Variants in ODAD1 observed in about 807,000 individuals in gnomAD.
ODAD1 encodes the protein outer dynein arm docking complex subunit 1.
ODAD1 carries 49 observed loss-of-function variants against 67.2 expected under a neutral mutation model. The observed-to-expected ratio is 0.73, with a 90% CI of 0.58 to 0.92. The LOEUF is 0.92. ODAD1 is among the 40% of genes least tolerant of loss of function. ODAD1 has a pLI of 0.00. For synonymous variants in ODAD1, 345 were observed against 393.7 expected, an observed-to-expected ratio of 0.88 and a Z score of 1.46; for missense variants, 897 against 953.7, an observed-to-expected ratio of 0.94 and a Z score of 0.78.
intron 5 of ODAD1, among the ~76,000 whole-genome samples, chr19:48,313,140 A>C (rs115456534): frequency 0.011 from 1,702 of 152,228 alleles, 27 homozygotes; most frequent in African/African-American, 0.032. Flanking sequence ...ATAAAAACTC[A>C]TATGTTGGCC....
intron 12 of ODAD1, 125 bp from the exon 13 acceptor site, chr19:48,298,465 G>T: frequency 1.1e-6 from 1 of 941,848 alleles, no homozygotes; most frequent in Non-Finnish European, 1.6e-6. Flanking sequence ...GACCAAAAGG[G>T]AGTCACCCGA....
intron 1 of ODAD1, 134 bp downstream of exon 1, chr19:48,321,544 C>T (rs1419788925): frequency 6.1e-6 from 2 of 329,392 alleles, no homozygotes; most frequent in Non-Finnish European, 1.1e-5. Flanking sequence ...TCGAGGGTCG[C>T]GTTTGGAAGG....
intron 5 of ODAD1, among the ~76,000 whole-genome samples, chr19:48,317,742 G>A (rs956020188): frequency 7.3e-5 from 11 of 150,538 alleles, no homozygotes; most frequent in African/African-American, 2.5e-4. Flanking sequence ...GCAGCGGCGC[G>A]ATCTTGGCTC....
At chr19:48,304,713 T>C (rs1051157810) in intron 8 of ODAD1, among the ~76,000 whole-genome samples, 1 of 152,062 alleles carries the variant, frequency 6.6e-6, no homozygotes, top group Non-Finnish European at 1.5e-5. Context: ...TGGCTCACGT[T>C]CTTTCAGCAG....
rs1198053382 is a variant in ODAD1 at position 48,304,105 on chromosome 19, T to C, written c.701A>G (p.Glu234Gly). The C allele has an allele frequency of 4.3e-6, 7 of 1,611,046 alleles. No homozygotes were observed. The highest frequency in any genetic ancestry group is 3.3e-5 in the Admixed American group (2 of 59,912). ...EAKAKMGLLR[E>G]RAEKEEAQSE... Reference sequence around the variant, plus strand: ...CTGGGCCTCCTCTTTCTCCGCGCGCTCCCGCAGCAAGCCCATCTTGGCCTT... The same window carrying C: ...CTGGGCCTCCTCTTTCTCCGCGCGCCCCCGCAGCAAGCCCATCTTGGCCTT... The change falls in exon 9 of 16, where the codon GAG (glutamate) becomes GGG (glycine). Residue 234 changes from glutamate to glycine, a missense_variant. Physicochemically the swap from Glu to Gly is moderately conservative, Grantham distance 98. Coordinates refer to ENST00000674294, the MANE Select transcript of ODAD1 (RefSeq NM_001364171.2).
chr19:48,303,193 G>C (rs1968516273), intron 10 of ODAD1, 98 bp from the exon 11 acceptor site: 1 of 913,144 alleles, frequency 1.1e-6, no homozygotes, highest in African/African-American at 1.6e-5. Context: ...GCCAAAGAAA[G>C]TGAAGATGAG....
Position 48,297,220 on chromosome 19 carries a change from G to A in ODAD1, c.1880C>T (p.Ser627Phe), listed in dbSNP as rs1968314530. 1.9e-6 allele frequency: 3 copies of A among 1,614,166 alleles called. No homozygotes were observed. In the African/African-American group the frequency reaches 4.0e-5, roughly 22 times the overall value. The change falls in exon 16 of 16, where the codon TCC (serine) becomes TTC (phenylalanine). Residue 627 changes from serine to phenylalanine, a missense_variant. Transcript: ENST00000674294. ...GTGGCCCCCACTCGAGGCACTGGTG[G>A]AGCCGAAGGTCACGTGGCCAGTGTT... ...DPNTGHVTFGSTSASSGGHVT... is the reference protein window; with the variant it reads ...DPNTGHVTFGFTSASSGGHVT...
chr19:48,314,802 G>A lies in ODAD1; in HGVS notation c.361-2686C>T, dbSNP rs145080898. Among the ~76,000 whole-genome samples, 46 of 152,024 alleles carry A rather than the reference G, an allele frequency of 3.0e-4. No individual in the cohort carries two copies. The East Asian group carries it at 8.7e-3, about 29-fold the overall frequency. ...CTAAAAATACAAAAATTAGCTGGGC[G>A]TAATGGCACGTGACTGTAATCCCAG... On this transcript the variant is annotated intron_variant, in intron 5 of 15. Transcript: ENST00000674294.
At chr19:48,318,841 G>A in intron 3 of ODAD1, 29 bp from the exon 4 acceptor site, 8 of 1,433,684 alleles carry the variant, frequency 5.6e-6, no homozygotes, top group Non-Finnish European at 7.7e-6. Flanking sequence ...AAGGGACTCA[G>A]CAGGGATCCT....
chr19:48,302,068 CTGGA>C (rs755763524), intron 12 of ODAD1, among the ~76,000 whole-genome samples: 8 of 145,852 alleles, frequency 5.5e-5, no homozygotes, highest in Non-Finnish European at 1.2e-4. Context: ...GGAATAGACC[CTGGA>C]TGGATGGATG....
rs1462198000 is a variant in ODAD1 at position 48,306,338 on chromosome 19, G to GA, written c.598-16dup. ...TGGTGGATCTCCTGTGGGGGGAGGA[G>GA]AAAAAAATCAGTGCCACTTCTTACA... On this transcript the variant is annotated splice_polypyrimidine_tract_variant and intron_variant, in intron 7 of 15. Transcript: ENST00000674294. 1.9e-6 allele frequency: 3 copies of GA among 1,549,854 alleles called. No homozygotes were observed. Among genetic ancestry groups the GA allele is most frequent in the Non-Finnish European group, 1.7e-6 (2 of 1,145,720 alleles).
chr19:48,302,654 G>T, intron 12 of ODAD1, 40 bp downstream of exon 12: 1 of 1,563,308 alleles, frequency 6.4e-7, no homozygotes. Flanking sequence ...CTTCCAAGTG[G>T]AGAAGCCAGG....
rs193263180 is a variant in ODAD1, at chr19:48,307,591, G to A, written c.598-1268C>T. Among the ~76,000 whole-genome samples, 82 of 152,174 alleles carry A rather than the reference G, an allele frequency of 5.4e-4. 1 individual carries two copies. The highest frequency in any genetic ancestry group is 1.7e-3 in the African/African-American group (71 of 41,506). On this transcript the variant is annotated intron_variant, in intron 7 of 15. Coordinates refer to ENST00000674294, the MANE Select transcript of ODAD1 (RefSeq NM_001364171.2). ...AGCACTGTGGGAGGCCGAGGTGGGC[G>A]GATCACGAGGTCAGGAGATCGAGAC... is the stretch of plus-strand genomic sequence containing the variant.
At chr19:48,316,370 ACTT>A (rs1488861950) in intron 5 of ODAD1, among the ~76,000 whole-genome samples, 1 of 149,460 alleles carries the variant, frequency 6.7e-6, no homozygotes, top group African/African-American at 2.5e-5. Flanking sequence ...ACAGAGCGAG[ACTT>A]CGTCAAAAAA....
At chr19:48,316,994 C>G (rs562468262) in intron 5 of ODAD1, among the ~76,000 whole-genome samples, 1 of 152,236 alleles carries the variant, frequency 6.6e-6, no homozygotes, top group South Asian at 2.1e-4. Context: ...CAGAGCGAGA[C>G]TTTGTCTTGA....
chr19:48,315,064 T>C (rs1437627059), intron 5 of ODAD1, among the ~76,000 whole-genome samples: 1 of 143,584 alleles, frequency 7.0e-6, no homozygotes, highest in Non-Finnish European at 1.5e-5. Context: ...AACAAAATTT[T>C]CTTTCTTTCT....
At chr19:48,309,722 C>T (rs925105501) in intron 7 of ODAD1, among the ~76,000 whole-genome samples, 1 of 152,158 alleles carries the variant, frequency 6.6e-6, no homozygotes, top group African/African-American at 2.4e-5. Flanking sequence ...TGTCAGGGGA[C>T]AAGATATTTA....
Position 48,318,482 on chromosome 19 carries a change from G to T in ODAD1, c.265C>A (p.Arg89=). The change falls in exon 5 of 16, where the codon CGG becomes AGG. Residue 89 remains arginine (R), a synonymous_variant. Transcript: ENST00000674294. ...AGCAGGCGGTCCATGTTCTCCAGCC[G>T]CTGACTGTCCCGAAGCCGCTTGACC... ...NQVKRLRDSQ[R]LENMDRLLKG... 2 of 1,551,572 alleles carry T rather than the reference G, an allele frequency of 1.3e-6. No individual in the cohort carries two copies. Among genetic ancestry groups the T allele is most frequent in the Non-Finnish European group, 1.7e-6 (2 of 1,146,970 alleles).
intron 5 of ODAD1, among the ~76,000 whole-genome samples, chr19:48,318,117 G>A (rs1293992716): frequency 5.3e-5 from 8 of 152,018 alleles, no homozygotes; most frequent in Non-Finnish European, 8.8e-5. Context: ...TCAGCCTCTC[G>A]AGTAGCTGGG....
Sources: allele counts gnomAD v4.1 joint callset (sites outside exome capture counted in the v4.1 genomes callset), GRCh38; gene constraint gnomAD v4.1.1; transcripts MANE v1.5; gene names NCBI Gene and HGNC (gene_info 2026-07-23, HGNC 2026-07-21).